The following TBC1D19 variants were observed in gnomAD, a reference collection of about 807,000 sequenced individuals.
TBC1D19 encodes the protein TBC1 domain family member 19, also known as TBC1 domain family, member 19.
Under a neutral mutation model 89.0 loss-of-function variants are expected in TBC1D19, and 60 were observed. The observed-to-expected ratio is 0.67, with a 90% CI of 0.55 to 0.84. The LOEUF (loss-of-function observed/expected upper bound fraction) is 0.84. Among genes scored for constraint, TBC1D19 ranks in the 40% least tolerant of loss-of-function variants. TBC1D19 has a pLI of 0.00. For synonymous variants in TBC1D19, 189 were observed against 199.7 expected, an observed-to-expected ratio of 0.95 and a Z score of 0.45; for missense variants, 500 against 610.8, an observed-to-expected ratio of 0.82 and a Z score of 1.91.
At chr4:26,845,461 A>C in the TBC1D19 span, among the ~76,000 whole-genome samples, 1 of 152,194 alleles carries the variant, frequency 6.6e-6, no homozygotes, top group African/African-American at 2.4e-5. Context: ...ATGTTTGGCA[A>C]CTATCACTAT....
At chr4:26,692,219 A>T (rs544994455) in intron 13 of TBC1D19, among the ~76,000 whole-genome samples, 1 of 152,286 alleles carries the variant, frequency 6.6e-6, no homozygotes, top group African/African-American at 2.4e-5. Flanking sequence ...GGAGGGGCAG[A>T]TGGCCAGTAT....
At chr4:26,725,188 C>A (rs1577988444) in intron 15 of TBC1D19, among the ~76,000 whole-genome samples, 2 of 152,124 alleles carry the variant, frequency 1.3e-5, no homozygotes. Context: ...GGTAGGTGGG[C>A]AAATTAAAAT....
chr4:26,696,072 T>G (rs1198867287), intron 13 of TBC1D19, among the ~76,000 whole-genome samples: 1 of 152,088 alleles, frequency 6.6e-6, no homozygotes, highest in African/African-American at 2.4e-5. Context: ...GCACATTGGG[T>G]AAAGAGTCAA....
intron 12 of TBC1D19, among the ~76,000 whole-genome samples, chr4:26,684,861 A>G (rs1471978717): frequency 6.6e-6 from 1 of 152,202 alleles, no homozygotes; most frequent in African/African-American, 2.4e-5. Context: ...CCCTTTACAT[A>G]GATTACTATT....
intron 15 of TBC1D19, among the ~76,000 whole-genome samples, chr4:26,731,007 A>C (rs1717628063): frequency 6.6e-6 from 1 of 152,206 alleles, no homozygotes; most frequent in Non-Finnish European, 1.5e-5. Context: ...CAGAGCCCTC[A>C]GCTCAAGCCC....
intron 13 of TBC1D19, among the ~76,000 whole-genome samples, chr4:26,702,010 T>C (rs1465689228): frequency 6.6e-6 from 1 of 152,146 alleles, no homozygotes; most frequent in African/African-American, 2.4e-5. Context: ...GATAAGAGGA[T>C]TGCCATTTTT....
intron 4 of TBC1D19, among the ~76,000 whole-genome samples, chr4:26,633,941 T>G (rs538403631): frequency 6.6e-6 from 1 of 152,166 alleles, no homozygotes; most frequent in African/African-American, 2.4e-5. Context: ...TTTACCTTTC[T>G]TTTGCTTTAA....
chr4:26,640,185 G>C lies in TBC1D19; in HGVS notation c.478G>C (p.Glu160Gln), dbSNP rs1743403297. Residue 160 changes from glutamate (E) to glutamine (Q), a missense_variant and splice_region_variant, in exon 7 of 21, where the codon GAG (glutamate) becomes CAG (glutamine). Around this residue, in one of 2 missense-constraint regions of TBC1D19, gnomAD observed 280 missense variants for 291.7 expected, o/e 0.96. Coordinates refer to ENST00000264866, the MANE Select transcript of TBC1D19 (RefSeq NM_018317.4). ...RPVYAPKDFL[E>Q]VLINLRNPNY... ...TGTTTATGCACCTAAGGATTTTCTTGAGGTAGGTTCTATTGGATAAATACA... is the reference window on the plus strand; with the variant it reads ...TGTTTATGCACCTAAGGATTTTCTTCAGGTAGGTTCTATTGGATAAATACA... 1 of 1,606,452 alleles carries C rather than the reference G, an allele frequency of 6.2e-7. No individual in the cohort carries two copies. The highest frequency in any genetic ancestry group is 1.3e-5 in the African/African-American group (1 of 74,684).
chr4:26,733,065 A>G (rs563428349), intron 15 of TBC1D19, among the ~76,000 whole-genome samples: 4 of 152,366 alleles, frequency 2.6e-5, no homozygotes, highest in Admixed American at 6.5e-5. Flanking sequence ...GTTGGAGAAC[A>G]TGAATCTGTG....
At chr4:26,649,284 G>T (rs1577870392) in intron 7 of TBC1D19, among the ~76,000 whole-genome samples, 1 of 151,972 alleles carries the variant, frequency 6.6e-6, no homozygotes, top group Non-Finnish European at 1.5e-5. Context: ...CCTCAAATAT[G>T]ATAGCGTTTC....
At chr4:26,594,448 A>G (rs549499836) in intron 1 of TBC1D19, among the ~76,000 whole-genome samples, 1 of 152,112 alleles carries the variant, frequency 6.6e-6, no homozygotes, top group Non-Finnish European at 1.5e-5. Flanking sequence ...AATTTAAAAA[A>G]AAAATTAACT....
chr4:26,676,003 A>G lies in TBC1D19; in HGVS notation c.816+2115A>G, dbSNP rs535040194. 6.6e-5 allele frequency among the ~76,000 whole-genome samples: 10 copies of G among 152,360 alleles called. No homozygotes were observed. The South Asian group carries it at 1.7e-3, about 25-fold the overall frequency. The stretch of plus-strand genomic sequence containing the variant: ...GGTATGTGTCAAAATATCCATATTT[A>G]GTAAACATTGTTCATATTTTAAAAA... On this transcript the variant is annotated intron_variant, in intron 11 of 20. Transcript: ENST00000264866.
At chr4:26,817,533 C>G in the TBC1D19 span, among the ~76,000 whole-genome samples, 1 of 152,174 alleles carries the variant, frequency 6.6e-6, no homozygotes, top group African/African-American at 2.4e-5. Flanking sequence ...CAGTCTCCCC[C>G]AGGTTGCTGT....
chr4:26,762,078 G>A, the TBC1D19 span, among the ~76,000 whole-genome samples: 1 of 152,220 alleles, frequency 6.6e-6, no homozygotes, highest in Non-Finnish European at 1.5e-5. Flanking sequence ...GAAGGTTGCA[G>A]TGAGCCGAGG....
intron 1 of TBC1D19, among the ~76,000 whole-genome samples, chr4:26,594,237 T>A (rs1019510345): frequency 6.6e-6 from 1 of 151,964 alleles, no homozygotes; most frequent in Non-Finnish European, 1.5e-5. Flanking sequence ...AACTATCGCA[T>A]GGACAAAAAA....
intron 16 of TBC1D19, among the ~76,000 whole-genome samples, chr4:26,738,420 T>C (rs1718164439): frequency 6.6e-6 from 1 of 151,794 alleles, no homozygotes; most frequent in African/African-American, 2.4e-5. Context: ...TAGTCTTAGA[T>C]TTATAATAAT....
intron 13 of TBC1D19, among the ~76,000 whole-genome samples, chr4:26,694,461 C>T (rs946489553): frequency 3.3e-5 from 5 of 152,196 alleles, no homozygotes; most frequent in Non-Finnish European, 5.9e-5. Context: ...GTAGATTTCA[C>T]CTCTGGGGGC....
intron 11 of TBC1D19, among the ~76,000 whole-genome samples, chr4:26,682,271 T>C: frequency 6.6e-6 from 1 of 152,272 alleles, no homozygotes; most frequent in South Asian, 2.1e-4. Flanking sequence ...ATAAATAAAA[T>C]AGTAAAATAA....
At chr4:26,754,118 C>A in intron 20 of TBC1D19, 1 of 459,116 alleles carries the variant, frequency 2.2e-6, no homozygotes. Flanking sequence ...TATAGGAAAC[C>A]ATTATAACCA....
Sources: gnomAD v4.1 joint callset for allele counts (sites outside exome capture counted in the v4.1 genomes callset) on GRCh38, gnomAD v4.1.1 for gene constraint, gnomAD v4.1.1 regional missense constraint, MANE v1.5 for transcripts, NCBI Gene and HGNC (gene_info 2026-07-23, HGNC 2026-07-21) for gene names.